C8orf34: variants seen among roughly 807,000 people sequenced by gnomAD.
The protein encoded by C8orf34 is uncharacterized protein C8orf34.
Under a neutral mutation model 68.3 loss-of-function variants are expected in C8orf34, and 65 were observed. That is an observed-to-expected ratio of 0.95 (90% CI 0.78 to 1.17). C8orf34 has a LOEUF of 1.17. C8orf34 is among the 50% of genes most tolerant of loss of function. C8orf34 has a pLI of 0.00. For synonymous variants in C8orf34, 244 were observed against 241.2 expected (o/e 1.01, Z -0.11); for missense variants, 664 against 655.4 (o/e 1.01, Z -0.14).
In C8orf34 at chr8:68,479,466, T is replaced by A. The variant is rs942475956; in HGVS notation, c.737-8557T>A. The stretch of plus-strand genomic sequence containing the variant: ...AACAGAGAGAGAGAATATGTGTCTG[T>A]GTGTACAATTAATGGTTTTTAGGGT... On this transcript the variant is annotated intron_variant, in intron 4 of 13. Coordinates refer to ENST00000518698, the MANE Select transcript of C8orf34 (RefSeq NM_052958.4). Among the ~76,000 whole-genome samples, 26 of 152,040 alleles carry A rather than the reference T, an allele frequency of 1.7e-4. 1 individual carries two copies. The highest frequency in any genetic ancestry group is 1.5e-5 in the Non-Finnish European group (1 of 67,986).
intron 12 of C8orf34, among the ~76,000 whole-genome samples, chr8:68,812,937 T>A (rs1824698570): frequency 6.6e-6 from 1 of 152,192 alleles, no homozygotes; most frequent in South Asian, 2.1e-4. Context: ...ACATATCATA[T>A]GTTCAATGTG....
chr8:68,461,946 C>A (rs571244516), intron 3 of C8orf34, among the ~76,000 whole-genome samples: 5 of 152,194 alleles, frequency 3.3e-5, no homozygotes, highest in African/African-American at 9.6e-5. Context: ...AACAATATTA[C>A]CTTTAAATGT....
chr8:68,779,063 G>T (rs528649228), intron 11 of C8orf34, among the ~76,000 whole-genome samples: 1 of 152,060 alleles, frequency 6.6e-6, no homozygotes. Flanking sequence ...TATAGTCTCA[G>T]CTCTTCAGGA....
At chr8:68,533,191 A>G in intron 7 of C8orf34, 42 bp downstream of exon 7, 3 of 1,543,046 alleles carry the variant, frequency 1.9e-6, no homozygotes, top group South Asian at 2.5e-5. Flanking sequence ...CTTCTTTGAC[A>G]TTGTAAAAAA....
chr8:68,443,756 G>T (rs1288613484), intron 2 of C8orf34, among the ~76,000 whole-genome samples: 1 of 151,878 alleles, frequency 6.6e-6, no homozygotes, highest in Non-Finnish European at 1.5e-5. Flanking sequence ...AAAGTACATG[G>T]GTATCATACT....
Position 68,330,995 on chromosome 8 carries a change from A to G in C8orf34, c.-18A>G, listed in dbSNP as rs1038866912. 4 of 1,388,422 alleles carry G rather than the reference A, an allele frequency of 2.9e-6. No homozygotes were observed. Among genetic ancestry groups the G allele is most frequent in the Non-Finnish European group, 2.8e-6 (3 of 1,081,410 alleles). 86.0% of individuals were successfully genotyped at this position (1,388,422 alleles called of 1,614,324 possible). A position where few individuals can be genotyped will look rare whatever the true frequency, so the allele number is the denominator to read the frequency against. On this transcript the variant is annotated 5_prime_UTR_variant, in exon 1 of 14. Coordinates refer to ENST00000518698, the MANE Select transcript of C8orf34 (RefSeq NM_052958.4). ...GCGGAGAGCGGCGAGGGTGGGCGCG[A>G]GGCGGAGAACGCGATGAATGAGTTC... is the stretch of plus-strand genomic sequence containing the variant.
At chr8:68,731,546 T>G (rs1406497077) in intron 10 of C8orf34, among the ~76,000 whole-genome samples, 2 of 152,196 alleles carry the variant, frequency 1.3e-5, no homozygotes, top group African/African-American at 4.8e-5. Context: ...ATGAAAAGCC[T>G]TACATTCTGC....
chr8:68,532,930 T>C (rs1815308883), intron 6 of C8orf34, 53 bp from the exon 7 acceptor site: 1 of 1,281,620 alleles, frequency 7.8e-7, no homozygotes. Flanking sequence ...GGAAATTTAT[T>C]TGTAGATTTT....
At chr8:68,622,787 C>T (rs2130644690) in intron 7 of C8orf34, among the ~76,000 whole-genome samples, 1 of 152,172 alleles carries the variant, frequency 6.6e-6, no homozygotes, top group South Asian at 2.1e-4. Context: ...TATGGAGTAG[C>T]CACAGGGAAC....
chr8:68,590,656 T>A (rs1489581418), intron 7 of C8orf34, among the ~76,000 whole-genome samples: 2 of 152,194 alleles, frequency 1.3e-5, no homozygotes, highest in Admixed American at 1.3e-4. Flanking sequence ...TCTAACTACA[T>A]GTGGAAGTCC....
rs990790776 is a variant in C8orf34, at chr8:68,349,924, T to C, written c.327+18585T>C. Among the ~76,000 whole-genome samples, 7 of 151,992 alleles carry C rather than the reference T, an allele frequency of 4.6e-5. No individual in the cohort carries two copies. The South Asian group carries it at 1.4e-3, about 31-fold the overall frequency. On this transcript the variant is annotated intron_variant, in intron 1 of 13. Transcript: ENST00000518698. ...TTTTCAAAAAAATCAACTCCTGGTT[T>C]GGTTGATCTTTTGAAAGGTTTTTTT...
Position 68,519,684 on chromosome 8 carries a change from A to G in C8orf34, c.766-2115A>G, listed in dbSNP as rs144894891. ...TGAAAATATTAGTCCTGAGGGTTTG[A>G]AAATTAAAGCAAAACAAATTTTTTA... On this transcript the variant is annotated intron_variant, in intron 5 of 13. Transcript: ENST00000518698. Among the ~76,000 whole-genome samples the G allele has an allele frequency of 7.4e-3, 1,124 of 152,242 alleles. 17 individuals are homozygous for G. Among genetic ancestry groups the G allele is most frequent in the African/African-American group, 0.025 (1,059 of 41,542 alleles).
intron 7 of C8orf34, among the ~76,000 whole-genome samples, chr8:68,599,466 A>G (rs1382352247): frequency 6.6e-6 from 1 of 152,090 alleles, no homozygotes; most frequent in Non-Finnish European, 1.5e-5. Context: ...TACAAGCTAC[A>G]GTAACCAAAA....
At chr8:68,349,031 C>G (rs1163478342) in intron 1 of C8orf34, among the ~76,000 whole-genome samples, 1 of 152,014 alleles carries the variant, frequency 6.6e-6, no homozygotes, top group African/African-American at 2.4e-5. Context: ...GAGAGGATAT[C>G]CTTGTCGTTT....
chr8:68,477,252 C>T (rs569223940), intron 4 of C8orf34, among the ~76,000 whole-genome samples: 2 of 152,184 alleles, frequency 1.3e-5, no homozygotes, highest in Non-Finnish European at 2.9e-5. Context: ...GGGGTAGGGA[C>T]TTCTATGCTA....
At chr8:68,764,962 G>C (rs1042035427) in intron 10 of C8orf34, among the ~76,000 whole-genome samples, 7 of 152,288 alleles carry the variant, frequency 4.6e-5, no homozygotes, top group African/African-American at 1.7e-4. Flanking sequence ...AAAAATAAGA[G>C]ATAAACGAAG....
chr8:68,374,791 A>G (rs1298230277), intron 1 of C8orf34, among the ~76,000 whole-genome samples: 1 of 152,210 alleles, frequency 6.6e-6, no homozygotes, highest in East Asian at 1.9e-4. Flanking sequence ...TGCTTGGAAT[A>G]TGCAATTAAA....
rs1819838953 is a variant in C8orf34, at chr8:68,666,318, A to G, written c.1241+25807A>G. 2.6e-5 allele frequency among the ~76,000 whole-genome samples: 4 copies of G among 152,308 alleles called. 1 individual carries two copies. In the South Asian group the frequency reaches 8.3e-4, roughly 32 times the overall value. ...ATTAGCATAATGAGCTGAATTTTCCATAAGAAAGTACCCCATGTCTTTGTT... is the reference window on the plus strand; with the variant it reads ...ATTAGCATAATGAGCTGAATTTTCCGTAAGAAAGTACCCCATGTCTTTGTT... On this transcript the variant is annotated intron_variant, in intron 8 of 13. Transcript: ENST00000518698.
chr8:68,803,577 A>G (rs1824395175), intron 12 of C8orf34, among the ~76,000 whole-genome samples: 1 of 152,102 alleles, frequency 6.6e-6, no homozygotes, highest in Admixed American at 6.6e-5. Flanking sequence ...CTTTTAGGTC[A>G]GGGATGACCT....
Sources: gnomAD v4.1 joint callset for allele counts (sites outside exome capture counted in the v4.1 genomes callset) on GRCh38, gnomAD v4.1.1 for gene constraint, MANE v1.5 for transcripts, NCBI Gene and HGNC (gene_info 2026-07-23, HGNC 2026-07-21) for gene names.